NEK10: variants seen among roughly 807,000 people sequenced by gnomAD.
The protein encoded by NEK10 is serine/threonine-protein kinase Nek10.
Under a neutral mutation model 159.8 loss-of-function variants are expected in NEK10, and 122 were observed. That is an observed-to-expected ratio of 0.76 (90% CI 0.66 to 0.89). The LOEUF (loss-of-function observed/expected upper bound fraction) is 0.89, where lower values mean the gene tolerates loss of function less well. Ranked by LOEUF, NEK10 falls within the 40% of genes least tolerant of loss-of-function variation. NEK10 has a pLI of 0.00. For missense variants in NEK10, 1,342 were observed against 1,323.1 expected (o/e 1.01, Z -0.22); for synonymous variants, 466 against 457.1 (o/e 1.02, Z -0.25).
intron 29 of NEK10, among the ~76,000 whole-genome samples, chr3:27,164,417 A>G (rs1157622800): frequency 6.6e-6 from 1 of 152,240 alleles, no homozygotes; most frequent in African/African-American, 2.4e-5. Flanking sequence ...GATTGTAAGC[A>G]TCAAACATAA....
intron 26 of NEK10, among the ~76,000 whole-genome samples, chr3:27,181,680 C>T (rs1205568195): frequency 6.6e-6 from 1 of 152,086 alleles, no homozygotes; most frequent in Non-Finnish European, 1.5e-5. Context: ...ACCTTGCCTT[C>T]TTTTATTTTT....
Position 27,201,546 on chromosome 3 carries a change from C to A in NEK10, c.2255G>T (p.Gly752Val), listed in dbSNP as rs1423478178. ...GTCTGTTACTTTTTCAGAGTAGATA[C>A]CTTCTGGGACTGGTTCATATACCGC... ...VEAVYEPVPE[G>V]IYSEKVTDTI... The change falls in exon 25 of 36, where the codon GGT (glycine) becomes GTT (valine). Residue 752 changes from glycine (G) to valine (V), a missense_variant. Transcript: ENST00000691995. The A allele has an allele frequency of 2.5e-6, 4 of 1,613,802 alleles. No individual in the cohort carries two copies. In the African/African-American group the frequency reaches 4.0e-5, roughly 16 times the overall value.
intron 26 of NEK10, among the ~76,000 whole-genome samples, chr3:27,183,132 T>C (rs929181562): frequency 2.0e-5 from 3 of 151,932 alleles, no homozygotes; most frequent in Non-Finnish European, 4.4e-5. Flanking sequence ...GATACCCCAA[T>C]TACCCTGATT....
intron 35 of NEK10, among the ~76,000 whole-genome samples, chr3:27,114,272 T>C (rs143372604): frequency 8.0e-4 from 122 of 152,326 alleles, no homozygotes; most frequent in Non-Finnish European, 1.6e-3. Flanking sequence ...TGTTACCATT[T>C]TCTTTTCCTA....
At chr3:27,250,183 T>C (rs948102661) in intron 23 of NEK10, among the ~76,000 whole-genome samples, 1 of 151,902 alleles carries the variant, frequency 6.6e-6, no homozygotes, top group African/African-American at 2.4e-5. Context: ...TTTTTCTGTG[T>C]ATTTACTATT....
At chr3:27,335,406 G>A (rs2046730680) in intron 5 of NEK10, among the ~76,000 whole-genome samples, 1 of 149,522 alleles carries the variant, frequency 6.7e-6, no homozygotes, top group Non-Finnish European at 1.5e-5. Flanking sequence ...TACAATAATA[G>A]CGAGGGACTT....
chr3:27,137,757 G>A (rs910932264), intron 31 of NEK10, among the ~76,000 whole-genome samples: 10 of 152,234 alleles, frequency 6.6e-5, no homozygotes, highest in African/African-American at 2.4e-4. Flanking sequence ...GGCAGCCATC[G>A]GGAAAGAAAA....
At chr3:27,362,336 C>A (rs192975277) in intron 1 of NEK10, among the ~76,000 whole-genome samples, 1 of 152,098 alleles carries the variant, frequency 6.6e-6, no homozygotes, top group Non-Finnish European at 1.5e-5. Flanking sequence ...AGCCAGCTTA[C>A]GGAACTGCTA....
In NEK10 at chr3:27,290,738, C is replaced by A. The variant is rs367670739; in HGVS notation, c.1622G>T (p.Gly541Val). ...CTCTTTCATTGCTAAAAGATTTTGA[C>A]CACTATGCTTTCTAACCTAAAATAA... is the stretch of plus-strand genomic sequence containing the variant. ...GCVYKVRKHS[G>V]QNLLAMKEVN... Residue 541 changes from glycine to valine, a missense_variant, in exon 19 of 36, where the codon GGT becomes GTT. Coordinates refer to ENST00000691995, the MANE Select transcript of NEK10 (RefSeq NM_001394966.1). 4.4e-6 allele frequency: 7 copies of A among 1,606,220 alleles called. No individual in the cohort carries two copies. Among genetic ancestry groups the A allele is most frequent in the Non-Finnish European group, 6.0e-6 (7 of 1,175,836 alleles).
intron 9 of NEK10, 78 bp downstream of exon 9, chr3:27,310,871 C>T (rs988447998): frequency 4.4e-5 from 38 of 863,316 alleles, no homozygotes; most frequent in Middle Eastern, 2.3e-4. Flanking sequence ...ATGACTTAAC[C>T]GCAAAGGCTC....
At chr3:27,263,876 G>A (rs1575506673) in intron 22 of NEK10, among the ~76,000 whole-genome samples, 1 of 152,170 alleles carries the variant, frequency 6.6e-6, no homozygotes, top group Non-Finnish European at 1.5e-5. Flanking sequence ...ACCTCAGTTG[G>A]AAATGCAGAA....
chr3:27,121,705 C>A (rs1032146796), intron 32 of NEK10, among the ~76,000 whole-genome samples: 1 of 152,094 alleles, frequency 6.6e-6, no homozygotes, highest in Non-Finnish European at 1.5e-5. Flanking sequence ...GTCTTGGGTA[C>A]GTATTTATCA....
intron 22 of NEK10, among the ~76,000 whole-genome samples, chr3:27,268,615 T>C (rs889800819): frequency 6.6e-6 from 1 of 152,220 alleles, no homozygotes; most frequent in Non-Finnish European, 1.5e-5. Context: ...TAAGAACTAC[T>C]GCTTAGTAAA....
intron 32 of NEK10, among the ~76,000 whole-genome samples, chr3:27,122,013 T>A (rs1459924779): frequency 1.3e-5 from 2 of 152,200 alleles, no homozygotes; most frequent in East Asian, 3.8e-4. Context: ...ATATTGTAAA[T>A]ACAAATCATT....
chr3:27,333,945 C>A (rs2046612826), intron 5 of NEK10, among the ~76,000 whole-genome samples: 1 of 152,204 alleles, frequency 6.6e-6, no homozygotes, highest in Non-Finnish European at 1.5e-5. Context: ...ATTGCCTCTC[C>A]ACCAACACCA....
At chr3:27,209,373 C>T (rs922533744) in intron 23 of NEK10, among the ~76,000 whole-genome samples, 3 of 152,142 alleles carry the variant, frequency 2.0e-5, no homozygotes, top group Non-Finnish European at 4.4e-5. Context: ...GTTTTCTGCA[C>T]TTACTTTACA....
At chr3:27,156,074 T>C (rs1415732957) in intron 30 of NEK10, among the ~76,000 whole-genome samples, 2 of 152,092 alleles carry the variant, frequency 1.3e-5, no homozygotes, top group African/African-American at 4.8e-5. Flanking sequence ...CTGGGATAAT[T>C]GGCTAGCCAC....
intron 23 of NEK10, among the ~76,000 whole-genome samples, chr3:27,206,243 C>A (rs1442620484): frequency 1.3e-5 from 2 of 152,142 alleles, no homozygotes; most frequent in African/African-American, 4.8e-5. Flanking sequence ...CATGACTAAG[C>A]ACTAGTGACT....
chr3:27,299,874 A>T (rs539255690), intron 13 of NEK10, among the ~76,000 whole-genome samples: 11 of 152,278 alleles, frequency 7.2e-5, no homozygotes, highest in African/African-American at 2.4e-4. Context: ...AGCTGTATTT[A>T]TCCAATGTCT....
Sources: gnomAD v4.1 joint callset for allele counts (sites outside exome capture counted in the v4.1 genomes callset) on GRCh38, gnomAD v4.1.1 for gene constraint, MANE v1.5 for transcripts, NCBI Gene and HGNC (gene_info 2026-07-23, HGNC 2026-07-21) for gene names.